The following CELF2 variants were observed in gnomAD, a reference collection of about 807,000 sequenced individuals.
The protein encoded by CELF2 is CUGBP Elav-like family member 2.
In CELF2, 8 loss-of-function variants were observed where a neutral mutation model predicts 62.6. That is an observed-to-expected ratio of 0.13 (90% CI 0.07 to 0.23). The LOEUF is 0.23. Ranked by LOEUF, CELF2 falls within the 10% of genes least tolerant of loss-of-function variation. The pLI is 1.00. For missense variants in CELF2, 333 were observed against 671.0 expected (o/e 0.50, Z 5.56); for synonymous variants, 258 against 250.0 (o/e 1.03, Z -0.30).
At chr10:11,148,758 G>C (rs1596176615) in intron 1 of CELF2, among the ~76,000 whole-genome samples, 1 of 152,016 alleles carries the variant, frequency 6.6e-6, no homozygotes, top group African/African-American at 2.4e-5. Context: ...GAATGTTTTT[G>C]TTAATTAAGC....
the CELF2 span, among the ~76,000 whole-genome samples, chr10:10,736,396 CTT>C: frequency 1.7e-4 from 13 of 75,980 alleles, no homozygotes; most frequent in African/African-American, 5.4e-4. Context: ...TTCTTTCTTT[CTT>C]TTTTTTTTTT....
the CELF2 span, among the ~76,000 whole-genome samples, chr10:10,717,639 G>A: frequency 6.6e-6 from 1 of 152,090 alleles, no homozygotes; most frequent in Non-Finnish European, 1.5e-5. Flanking sequence ...TTGGCCTATA[G>A]GAAGTAAAAT....
At chr10:11,323,921 CTT>C (rs35018494) in intron 11 of CELF2, among the ~76,000 whole-genome samples, 19,644 of 146,222 alleles carry the variant, frequency 0.13, 1,353 homozygotes, top group African/African-American at 0.18. Context: ...CATATGAAAT[CTT>C]TTTTTTTTTT....
chr10:10,464,689 G>C, the CELF2 span, among the ~76,000 whole-genome samples: 6 of 152,260 alleles, frequency 3.9e-5, no homozygotes, highest in Admixed American at 6.5e-5. Context: ...ATCTTTTGCA[G>C]AACGCAATGT....
At chr10:11,154,746 GAGAA>G (rs982462706) in intron 1 of CELF2, among the ~76,000 whole-genome samples, 3 of 152,166 alleles carry the variant, frequency 2.0e-5, no homozygotes, top group African/African-American at 4.8e-5. Context: ...ATGCGCTGAA[GAGAA>G]AGAACTAAAG....
At chr10:10,620,020 G>T in the CELF2 span, among the ~76,000 whole-genome samples, 1 of 151,920 alleles carries the variant, frequency 6.6e-6, no homozygotes, top group African/African-American at 2.4e-5. Flanking sequence ...GAAAAATAAG[G>T]TATATTGCAT....
Position 11,256,460 on chromosome 10 carries a change from G to T in CELF2, c.404-1278G>T, listed in dbSNP as rs183759605. On this transcript the variant is annotated intron_variant, in intron 4 of 12. Transcript: ENST00000633077. The stretch of plus-strand genomic sequence containing the variant: ...ACAGAAATAAAAGCCAATTAAATAG[G>T]AATGACAAGATGATAGTGCAGATTC... Among the ~76,000 whole-genome samples the T allele has an allele frequency of 4.6e-5, 7 of 152,008 alleles. No homozygotes were observed. In the East Asian group the frequency reaches 1.2e-3, roughly 25 times the overall value.
In CELF2 at chr10:11,309,616, T is replaced by TTGTCCCCACAGTCTGCTCTGAC. The variant is rs1174115587; in HGVS notation, c.977-4519_977-4498dup. ...AAATTGTCCCCACAGTCTGCTCTGA[T>TTGTCCCCACAGTCTGCTCTGAC]TGTCCCCACAGTCTGCTCTGACTGT... On this transcript the variant is annotated intron_variant, in intron 9 of 12. Coordinates refer to ENST00000633077, the MANE Select transcript of CELF2 (RefSeq NM_001326342.2). The surrounding 1 kb of genome is among the most constrained non-coding windows in gnomAD (Gnocchi z 5.6). 3.3e-5 allele frequency among the ~76,000 whole-genome samples: 5 copies of TTGTCCCCACAGTCTGCTCTGAC among 150,646 alleles called. No homozygotes were observed. The highest frequency in any genetic ancestry group is 7.5e-5 in the Non-Finnish European group (5 of 67,038).
chr10:10,906,833 A>G (rs1235228500), intron 1 of CELF2, among the ~76,000 whole-genome samples: 1 of 145,154 alleles, frequency 6.9e-6, no homozygotes, highest in Non-Finnish European at 1.5e-5. Flanking sequence ...ATTCTCCTGC[A>G]TCAGCCTCCT....
In CELF2 at chr10:11,008,534, G is replaced by T. The variant is rs538200478; in HGVS notation, c.53+3094G>T. On this transcript the variant is annotated intron_variant, in intron 1 of 12. Transcript: ENST00000416382. This position sits in a 1 kb window ranked among gnomAD's most constrained non-coding sequence, Gnocchi z 4.5. ...GAACTTTGTAGCAAGTGCAGATTGT[G>T]CTAGAAGACCGAGGAAGTCATTCAA... Among the ~76,000 whole-genome samples the T allele has an allele frequency of 2.6e-5, 4 of 152,298 alleles. No homozygotes were observed. The highest frequency in any genetic ancestry group is 3.4e-3 in the Middle Eastern group (1 of 294).
At chr10:10,480,748 T>C in the CELF2 span, among the ~76,000 whole-genome samples, 1 of 152,174 alleles carries the variant, frequency 6.6e-6, no homozygotes, top group South Asian at 2.1e-4. Context: ...CTAAAAACTA[T>C]ATTATACAGA....
Position 11,314,407 on chromosome 10 carries a change from A to C in CELF2, c.1096+149A>C, listed in dbSNP as rs1273277163. On this transcript the variant is annotated intron_variant, in intron 10 of 12. Coordinates refer to ENST00000633077, the MANE Select transcript of CELF2 (RefSeq NM_001326342.2). This position sits in a 1 kb window ranked among gnomAD's most constrained non-coding sequence, Gnocchi z 5.3. The stretch of plus-strand genomic sequence containing the variant: ...TGGAGGAGCACATGCTTTGATAGGC[A>C]AAAGCTGTCTACACTCGTTTTGCCT... The C allele has an allele frequency of 1.0e-6, 1 of 990,918 alleles. No homozygotes were observed. Among genetic ancestry groups the C allele is most frequent in the East Asian group, 2.5e-5 (1 of 40,030 alleles). 61.4% of individuals were successfully genotyped at this position (990,918 alleles called of 1,614,324 possible). A position where few individuals can be genotyped will look rare whatever the true frequency, so the allele number is the denominator to read the frequency against.
rs533211794 is a variant in CELF2, at chr10:11,039,030, C to T, written c.74+20867C>T. On this transcript the variant is annotated intron_variant, in intron 1 of 12. Coordinates refer to ENST00000633077, the MANE Select transcript of CELF2 (RefSeq NM_001326342.2). This position sits in a 1 kb window ranked among gnomAD's most constrained non-coding sequence, Gnocchi z 4.1. ...ACCATCCACCACCCTAAGCCAAGTGCGCCTGAGCTTCCACAGTATCCTGGA... is the reference window on the plus strand; with the variant it reads ...ACCATCCACCACCCTAAGCCAAGTGTGCCTGAGCTTCCACAGTATCCTGGA... Among the ~76,000 whole-genome samples the T allele has an allele frequency of 8.5e-5, 13 of 152,312 alleles. No homozygotes were observed. Among genetic ancestry groups the T allele is most frequent in the South Asian group, 2.1e-4 (1 of 4,828 alleles).
intron 1 of CELF2, among the ~76,000 whole-genome samples, chr10:10,901,519 A>G (rs1222070641): frequency 6.6e-6 from 1 of 152,178 alleles, no homozygotes; most frequent in Non-Finnish European, 1.5e-5. Flanking sequence ...TTAACTCACT[A>G]TGGTCACAGA....
At chr10:10,656,649 C>T in the CELF2 span, among the ~76,000 whole-genome samples, 32 of 120,692 alleles carry the variant, frequency 2.7e-4, 2 homozygotes, top group Non-Finnish European at 4.7e-4. Flanking sequence ...CATATTCTCA[C>T]TCATAGGTGG....
chr10:11,058,332 A>G (rs1594272933), intron 1 of CELF2, among the ~76,000 whole-genome samples: 2 of 152,204 alleles, frequency 1.3e-5, no homozygotes, highest in East Asian at 1.9e-4. Flanking sequence ...GAGTTACACT[A>G]TATTTGCATC....
At chr10:11,066,863 G>A (rs2068309058) in intron 1 of CELF2, among the ~76,000 whole-genome samples, 1 of 152,142 alleles carries the variant, frequency 6.6e-6, no homozygotes, top group Admixed American at 6.5e-5. Context: ...AAGAACCCCA[G>A]CTCCTGCTGC....
the CELF2 span, among the ~76,000 whole-genome samples, chr10:10,526,736 A>G: frequency 5.3e-5 from 8 of 152,368 alleles, no homozygotes; most frequent in Admixed American, 2.6e-4. Context: ...TGATCTTCAA[A>G]AAGTGCTACA....
chr10:10,805,101 A>C (rs1397943072), intron 1 of CELF2, among the ~76,000 whole-genome samples: 1 of 152,216 alleles, frequency 6.6e-6, no homozygotes, highest in African/African-American at 2.4e-5. Flanking sequence ...AGTGCTTTTC[A>C]TGTAATGTCT....
Sources: allele counts gnomAD v4.1 joint callset (sites outside exome capture counted in the v4.1 genomes callset), GRCh38; gene constraint gnomAD v4.1.1; non-coding constraint Gnocchi (gnomAD v3.1); transcripts MANE v1.5; gene names NCBI Gene and HGNC (gene_info 2026-07-23, HGNC 2026-07-21).